WIPI2: variants seen among roughly 807,000 people sequenced by gnomAD.
WIPI2 encodes the protein WD repeat domain phosphoinositide-interacting protein 2.
In WIPI2, 28 loss-of-function variants were observed where a neutral mutation model predicts 52.3. The ratio of observed to expected loss-of-function variants is 0.54; its 90% CI spans 0.40 to 0.73. The LOEUF (loss-of-function observed/expected upper bound fraction) is 0.73, where lower values mean the gene tolerates loss of function less well. Ranked by LOEUF, WIPI2 falls within the 30% of genes least tolerant of loss-of-function variation. The pLI, the probability that WIPI2 is intolerant of heterozygous loss-of-function variation, is 0.00. For missense variants in WIPI2, 506 were observed against 602.9 expected, an observed-to-expected ratio of 0.84 and a Z score of 1.68; for synonymous variants, 268 against 245.0, an observed-to-expected ratio of 1.09 and a Z score of -0.88.
At chr7:5,217,223 G>C in intron 6 of WIPI2, 36 bp downstream of exon 6, 1 of 1,610,606 alleles carries the variant, frequency 6.2e-7, no homozygotes, top group Non-Finnish European at 8.5e-7. Flanking sequence ...GCTCTCTAAA[G>C]TGTGGCTTTT....
chr7:5,207,737 G>C (rs1329568406), intron 3 of WIPI2, among the ~76,000 whole-genome samples: 1 of 150,416 alleles, frequency 6.6e-6, no homozygotes, highest in Non-Finnish European at 1.5e-5. Flanking sequence ...AGTGCTGTAT[G>C]AGAGTTCTGA....
At chr7:5,208,866 A>G (rs1478212699) in intron 3 of WIPI2, among the ~76,000 whole-genome samples, 1 of 152,184 alleles carries the variant, frequency 6.6e-6, no homozygotes, top group African/African-American at 2.4e-5. Flanking sequence ...TTGTCTGCAA[A>G]AGAGCCTGTT....
At chr7:5,193,729 C>T (rs541675572) in intron 2 of WIPI2, among the ~76,000 whole-genome samples, 7 of 152,068 alleles carry the variant, frequency 4.6e-5, no homozygotes, top group Admixed American at 2.6e-4. Flanking sequence ...GCGTAGGCCC[C>T]ACACCTGGCT....
chr7:5,213,665 TTTGTTGTTG>T (rs149745229), intron 3 of WIPI2, among the ~76,000 whole-genome samples: 220 of 55,894 alleles, frequency 3.9e-3, no homozygotes, highest in Non-Finnish European at 5.1e-3. Context: ...TTTTCTTTGT[TTTGTTGTTG>T]TTGTTGTTGT....
intron 3 of WIPI2, 30 bp downstream of exon 3, chr7:5,199,688 T>TAA (rs200973486): frequency 1.5e-3 from 1,968 of 1,300,444 alleles, no homozygotes; most frequent in Middle Eastern, 2.8e-3. Flanking sequence ...TTCCCCTTCT[T>TAA]AAAAAAAAAA....
In WIPI2 at chr7:5,214,557, T is replaced by A; in HGVS notation, c.234T>A (p.Ile78=). Residue 78 remains isoleucine (I), a synonymous_variant, in exon 4 of 13, where the codon ATT becomes ATA. Transcript: ENST00000288828. ...YECTDTEDVC[I]VERLFSSSLV... is the part of the protein sequence containing the mutation. ...CAGCCGATACGGAAGATGTGTGCATTGTAGAGAGATTGTTCTCCAGCAGCC... is the reference window on the plus strand; with the variant it reads ...CAGCCGATACGGAAGATGTGTGCATAGTAGAGAGATTGTTCTCCAGCAGCC... 2 of 1,614,234 alleles carry A rather than the reference T, an allele frequency of 1.2e-6. No individual in the cohort carries two copies.
chr7:5,220,347 G>A (rs1480344858), intron 7 of WIPI2, among the ~76,000 whole-genome samples: 2 of 150,982 alleles, frequency 1.3e-5, no homozygotes, highest in African/African-American at 4.9e-5. Context: ...GGTTCAAGCA[G>A]TTCTCCTGCC....
chr7:5,216,772 A>G lies in WIPI2; in HGVS notation c.478+113A>G, dbSNP rs1782836097. ...AGGTTCCGCAGATGAGACAGATTTTAAAAGTATTGATCCCAAACCAAGCTG... is the reference window on the plus strand; with the variant it reads ...AGGTTCCGCAGATGAGACAGATTTTGAAAGTATTGATCCCAAACCAAGCTG... On this transcript the variant is annotated intron_variant, in intron 5 of 12. Coordinates refer to ENST00000288828, the MANE Select transcript of WIPI2 (RefSeq NM_015610.4). The G allele has an allele frequency of 2.8e-6, 3 of 1,057,540 alleles. No homozygotes were observed. The East Asian group carries it at 7.8e-5, about 27-fold the overall frequency. The allele number at this position is 1,057,540 out of a possible 1,614,324, so 65.5% of individuals were successfully genotyped here.
At position 5,230,792 on chromosome 7, in the gene WIPI2, G is replaced by T; in HGVS notation, c.1253-43G>T. 1 of 1,518,320 alleles carries T rather than the reference G, an allele frequency of 6.6e-7. No individual in the cohort carries two copies. 94.1% of individuals were successfully genotyped at this position (1,518,320 alleles called of 1,614,324 possible). On this transcript the variant is annotated intron_variant, in intron 12 of 12. Coordinates refer to ENST00000288828, the MANE Select transcript of WIPI2 (RefSeq NM_015610.4). This position sits in a 1 kb window ranked among gnomAD's most constrained non-coding sequence, Gnocchi z 4.8. The stretch of plus-strand genomic sequence containing the variant: ...CAGTGTGTGTCATGGGGTCTGTGGT[G>T]TGTCCCCAGCCTTTGAAGGGTGACT...
chr7:5,195,099 A>G (rs1300261206), intron 2 of WIPI2, among the ~76,000 whole-genome samples: 1 of 152,180 alleles, frequency 6.6e-6, no homozygotes, highest in East Asian at 1.9e-4. Flanking sequence ...CACCAGGCAC[A>G]GTTGAAGGTG....
chr7:5,206,048 A>T (rs1253873156), intron 3 of WIPI2, among the ~76,000 whole-genome samples: 1 of 151,766 alleles, frequency 6.6e-6, no homozygotes. Context: ...TCTTTTCACC[A>T]TTCTGAAGTC....
At chr7:5,222,797 G>A in intron 8 of WIPI2, 125 bp downstream of exon 8, 1 of 923,116 alleles carries the variant, frequency 1.1e-6, no homozygotes, top group South Asian at 1.5e-5. Context: ...AGCCCGGCTG[G>A]GTCACCGGGT....
intron 5 of WIPI2, chr7:5,216,870 G>T: frequency 1.4e-6 from 1 of 690,760 alleles, no homozygotes; most frequent in Non-Finnish European, 2.4e-6. Context: ...TGAGGTTACT[G>T]ATCAGTTCAA....
intron 3 of WIPI2, among the ~76,000 whole-genome samples, chr7:5,207,768 C>CCT (rs1554252769): frequency 1.9e-5 from 2 of 107,290 alleles, no homozygotes; most frequent in African/African-American, 3.6e-5. Context: ...TCCTCACTAA[C>CCT]TTTTTTTTTT....
rs1456194358 is a variant in WIPI2, at chr7:5,232,620, G to A, written c.*1673G>A. On this transcript the variant is annotated 3_prime_UTR_variant, in exon 13 of 13. Transcript: ENST00000288828. ...TGCTTGAGCAGGGATGAGAAGGGCC[G>A]CGGCAGCACGCAGCCTTGACCCACG... is the stretch of plus-strand genomic sequence containing the variant. 2.1e-5 allele frequency: 6 copies of A among 287,068 alleles called. No individual in the cohort carries two copies. The highest frequency in any genetic ancestry group is 5.7e-5 in the East Asian group (1 of 17,656). The allele number at this position is 287,068 out of a possible 1,614,324, so 17.8% of individuals were successfully genotyped here.
intron 11 of WIPI2, among the ~76,000 whole-genome samples, chr7:5,229,175 C>T (rs909443863): frequency 6.6e-6 from 1 of 152,140 alleles, no homozygotes; most frequent in Non-Finnish European, 1.5e-5. Context: ...GCCACCATGC[C>T]CTGCTAATTT....
At chr7:5,223,913 G>A (rs570105416) in intron 8 of WIPI2, among the ~76,000 whole-genome samples, 7 of 152,316 alleles carry the variant, frequency 4.6e-5, no homozygotes, top group Admixed American at 3.9e-4. Flanking sequence ...TGCCTCTCCC[G>A]CCACGCCACC....
chr7:5,222,774 C>A, intron 8 of WIPI2, 102 bp downstream of exon 8: 3 of 1,183,418 alleles, frequency 2.5e-6, no homozygotes, highest in Non-Finnish European at 3.7e-6. Context: ...GAGAATTCCA[C>A]ACGAGCATTT....
chr7:5,193,601 C>T (rs958115717), intron 2 of WIPI2, among the ~76,000 whole-genome samples: 2 of 152,232 alleles, frequency 1.3e-5, no homozygotes, highest in Non-Finnish European at 2.9e-5. Context: ...TGGAGTCTCA[C>T]TGTTGCACAG....
Sources: gnomAD v4.1 joint callset for allele counts (sites outside exome capture counted in the v4.1 genomes callset) on GRCh38, gnomAD v4.1.1 for gene constraint, Gnocchi (gnomAD v3.1) non-coding constraint, MANE v1.5 for transcripts, NCBI Gene and HGNC (gene_info 2026-07-23, HGNC 2026-07-21) for gene names.